EYS: variants seen among roughly 807,000 people sequenced by gnomAD.
EYS encodes EGF-like photoreceptor maintenance factor.
In EYS, 250 loss-of-function variants were observed where a neutral mutation model predicts 282.1. The ratio of observed to expected loss-of-function variants is 0.89; its 90% CI spans 0.80 to 0.98. The LOEUF (loss-of-function observed/expected upper bound fraction) is 0.98. Ranked by LOEUF, EYS falls within the 50% of genes least tolerant of loss-of-function variation. The pLI is 0.00. For missense variants in EYS, 4,016 were observed against 3,709.0 expected, an observed-to-expected ratio of 1.08 and a Z score of -2.15; for synonymous variants, 1,355 against 1,282.9, an observed-to-expected ratio of 1.06 and a Z score of -1.20.
At chr6:65,109,657 TA>T (rs111607590) in intron 12 of EYS, among the ~76,000 whole-genome samples, 32,178 of 136,194 alleles carry the variant, frequency 0.24, 3,799 homozygotes, top group African/African-American at 0.32. Context: ...ACTCCTTACA[TA>T]AAAAAAAAAA....
At chr6:64,902,980 A>G (rs1441619852) in intron 16 of EYS, among the ~76,000 whole-genome samples, 1 of 152,140 alleles carries the variant, frequency 6.6e-6, no homozygotes, top group Non-Finnish European at 1.5e-5. Flanking sequence ...CAGCTACATA[A>G]TCAGTCATCC....
chr6:64,337,325 A>C (rs1373593525), intron 29 of EYS, among the ~76,000 whole-genome samples: 1 of 152,052 alleles, frequency 6.6e-6, no homozygotes, highest in East Asian at 1.9e-4. Context: ...TGAAATACAA[A>C]AGATCATTCA....
At chr6:63,941,217 T>C (rs926888973) in intron 35 of EYS, among the ~76,000 whole-genome samples, 7 of 152,140 alleles carry the variant, frequency 4.6e-5, no homozygotes, top group African/African-American at 2.4e-5. Context: ...GATGGCTGGG[T>C]CAAATGGTAT....
At chr6:64,646,258 G>A (rs548897195) in intron 22 of EYS, among the ~76,000 whole-genome samples, 176 of 152,246 alleles carry the variant, frequency 1.2e-3, no homozygotes, top group African/African-American at 4.1e-3. Context: ...TCTATTTTGA[G>A]TTGTGGATGG....
At chr6:65,573,460 C>G (rs1165477117) in intron 2 of EYS, among the ~76,000 whole-genome samples, 3 of 152,116 alleles carry the variant, frequency 2.0e-5, no homozygotes, top group Non-Finnish European at 4.4e-5. Context: ...AGGGAGACGC[C>G]ACTGTTTACT....
chr6:64,763,782 G>A (rs1023414900), intron 22 of EYS, among the ~76,000 whole-genome samples: 1 of 152,212 alleles, frequency 6.6e-6, no homozygotes, highest in Non-Finnish European at 1.5e-5. Context: ...GATACAGTGG[G>A]GGTACACAAA....
intron 31 of EYS, among the ~76,000 whole-genome samples, chr6:64,100,018 A>C (rs780839161): frequency 6.6e-6 from 1 of 152,094 alleles, no homozygotes; most frequent in African/African-American, 2.4e-5. Flanking sequence ...AAACCGTCTC[A>C]GTTTTTTGTT....
intron 29 of EYS, among the ~76,000 whole-genome samples, chr6:64,365,053 A>G (rs191487599): frequency 6.6e-6 from 1 of 152,126 alleles, no homozygotes; most frequent in East Asian, 1.9e-4. Flanking sequence ...AATATCAAGG[A>G]AAAGTAAACA....
rs138939238 is a variant in EYS at position 65,507,837 on chromosome 6, C to T, written c.-332-11844G>A. ...CTGTTTACTCATTTGTTCTTGCATT[C>T]TGTCTTCCTTTTTTATTAGATCTCT... On this transcript the variant is annotated intron_variant, in intron 2 of 42. Coordinates refer to ENST00000503581, the MANE Select transcript of EYS (RefSeq NM_001142800.2). Among the ~76,000 whole-genome samples, 715 of 143,770 alleles carry T rather than the reference C, an allele frequency of 5.0e-3. 8 individuals carry two copies. The highest frequency in any genetic ancestry group is 0.017 in the African/African-American group (689 of 40,910). 94.3% of individuals were successfully genotyped at this position (143,770 alleles called of 152,430 possible). A position where few individuals can be genotyped will look rare whatever the true frequency, so the allele number is the denominator to read the frequency against.
rs146454058 is a variant in EYS, at chr6:64,971,105, C to T, written c.2260-25191G>A. Among the ~76,000 whole-genome samples, 250 of 152,120 alleles carry T rather than the reference C, an allele frequency of 1.6e-3. 1 individual carries two copies. Among genetic ancestry groups the T allele is most frequent in the African/African-American group, 5.9e-3 (244 of 41,516 alleles). Reference sequence around the variant, plus strand: ...CAAAATGAAGGTGAAGGATTTCAAGCTGGAAAATTTAATGCCAACAAAGGA... The same window carrying T: ...CAAAATGAAGGTGAAGGATTTCAAGTTGGAAAATTTAATGCCAACAAAGGA... On this transcript the variant is annotated intron_variant, in intron 14 of 42. Transcript: ENST00000503581.
chr6:65,007,536 C>A (rs1360428758), intron 13 of EYS, among the ~76,000 whole-genome samples: 1 of 152,096 alleles, frequency 6.6e-6, no homozygotes, highest in Non-Finnish European at 1.5e-5. Flanking sequence ...TATGTACAAA[C>A]TTTCTTTTCA....
At chr6:64,018,653 T>C (rs1449748462) in intron 33 of EYS, among the ~76,000 whole-genome samples, 1 of 152,034 alleles carries the variant, frequency 6.6e-6, no homozygotes, top group Non-Finnish European at 1.5e-5. Context: ...CTGTAAATGT[T>C]ACTTTATTTG....
intron 26 of EYS, among the ~76,000 whole-genome samples, chr6:64,507,157 A>G (rs1777237229): frequency 6.6e-6 from 1 of 151,874 alleles, no homozygotes; most frequent in Non-Finnish European, 1.5e-5. Context: ...TCAACCTCTA[A>G]AGGATTTTTT....
At chr6:64,692,326 C>T (rs1345034883) in intron 22 of EYS, among the ~76,000 whole-genome samples, 1 of 152,118 alleles carries the variant, frequency 6.6e-6, no homozygotes, top group Non-Finnish European at 1.5e-5. Flanking sequence ...ATGTCCTTTG[C>T]CCATTTTTTA....
intron 2 of EYS, among the ~76,000 whole-genome samples, chr6:65,586,108 T>C (rs1765036683): frequency 6.6e-6 from 1 of 152,000 alleles, no homozygotes. Context: ...GTTTCAGGAA[T>C]GTCTGCATTA....
intron 8 of EYS, among the ~76,000 whole-genome samples, chr6:65,354,254 C>A (rs898279101): frequency 6.6e-6 from 1 of 152,058 alleles, no homozygotes; most frequent in Non-Finnish European, 1.5e-5. Context: ...GCCCTAGAGA[C>A]AAACTAGGGC....
chr6:64,159,248 A>G (rs578034187), intron 31 of EYS, among the ~76,000 whole-genome samples: 2 of 152,286 alleles, frequency 1.3e-5, no homozygotes, highest in Admixed American at 1.3e-4. Context: ...TGTATTGTGT[A>G]GAGAAAAATG....
At chr6:64,526,245 G>A (rs1777915267) in intron 26 of EYS, among the ~76,000 whole-genome samples, 2 of 151,694 alleles carry the variant, frequency 1.3e-5, no homozygotes, top group South Asian at 4.1e-4. Flanking sequence ...GGATCCTCGT[G>A]GTGATAGGAA....
intron 28 of EYS, among the ~76,000 whole-genome samples, chr6:64,408,118 C>T (rs1393378350): frequency 1.3e-5 from 2 of 151,690 alleles, no homozygotes; most frequent in Non-Finnish European, 2.9e-5. Flanking sequence ...CTGCTCTAAA[C>T]CTTTGGAGAA....
Sources: allele counts gnomAD v4.1 joint callset (sites outside exome capture counted in the v4.1 genomes callset), GRCh38; gene constraint gnomAD v4.1.1; transcripts MANE v1.5; gene names NCBI Gene and HGNC (gene_info 2026-07-23, HGNC 2026-07-21).